The following PODXL variants were observed in gnomAD, a reference collection of about 807,000 sequenced individuals.
PODXL encodes the protein podocalyxin.
A neutral mutation model predicts 48.9 loss-of-function variants in PODXL; 20 were observed. The observed-to-expected ratio is 0.41, with a 90% CI of 0.29 to 0.59. The LOEUF (loss-of-function observed/expected upper bound fraction) is 0.59, where lower values mean the gene tolerates loss of function less well. Among genes scored for constraint, PODXL ranks in the 20% least tolerant of loss-of-function variants. The probability of loss-of-function intolerance (pLI) is 0.31; values close to 1 mark genes in which losing one functional copy is unlikely to be tolerated. For missense variants in PODXL, 606 were observed against 675.1 expected, an observed-to-expected ratio of 0.90 and a Z score of 1.13; for synonymous variants, 295 against 287.4, an observed-to-expected ratio of 1.03 and a Z score of -0.27.
chr7:131,520,718 CAACAA>C (rs1302562184), intron 1 of PODXL, among the ~76,000 whole-genome samples: 2 of 152,156 alleles, frequency 1.3e-5, no homozygotes, highest in Admixed American at 6.5e-5. Context: ...AATCGTCCAT[CAACAA>C]AACATGAAAA....
chr7:131,527,826 T>C (rs1397762169), intron 1 of PODXL, among the ~76,000 whole-genome samples: 4 of 151,944 alleles, frequency 2.6e-5, no homozygotes, highest in African/African-American at 9.7e-5. Context: ...ATAGGGTCCT[T>C]AAGATGCAGA....
intron 4 of PODXL, 40 bp downstream of exon 4, chr7:131,509,325 G>A: frequency 2.0e-6 from 3 of 1,482,114 alleles, no homozygotes; most frequent in Non-Finnish European, 2.8e-6. Flanking sequence ...TTCTACCCGA[G>A]TCTGGGTTCT....
chr7:131,518,856 C>T (rs547072027), intron 1 of PODXL, among the ~76,000 whole-genome samples: 2 of 152,258 alleles, frequency 1.3e-5, no homozygotes, highest in South Asian at 4.1e-4. Flanking sequence ...CATCATTAGG[C>T]GATGGAGAAG....
At chr7:131,554,807 C>G (rs1798718747) in intron 1 of PODXL, among the ~76,000 whole-genome samples, 1 of 152,118 alleles carries the variant, frequency 6.6e-6, no homozygotes, top group Non-Finnish European at 1.5e-5. Flanking sequence ...ACAAAAGGTT[C>G]GTATGAAGGC....
intron 1 of PODXL, among the ~76,000 whole-genome samples, chr7:131,540,820 C>T (rs192805595): frequency 4.1e-4 from 63 of 152,256 alleles, no homozygotes; most frequent in Middle Eastern, 3.4e-3. Flanking sequence ...ACAAGGGCCC[C>T]GAGCCAGAGG....
At chr7:131,523,202 T>G (rs1798115880) in intron 1 of PODXL, among the ~76,000 whole-genome samples, 1 of 152,228 alleles carries the variant, frequency 6.6e-6, no homozygotes, top group Non-Finnish European at 1.5e-5. Flanking sequence ...TATCATCTTT[T>G]CCATTATTGC....
intron 1 of PODXL, among the ~76,000 whole-genome samples, chr7:131,523,799 AT>A (rs111266089): frequency 0.17 from 25,169 of 144,734 alleles, 3,791 homozygotes; most frequent in East Asian, 0.41. Flanking sequence ...CATCTAACAA[AT>A]TTTTTTTTTT....
chr7:131,506,066 G>T, intron 7 of PODXL, 31 bp from the exon 8 acceptor site: 1 of 1,598,142 alleles, frequency 6.3e-7, no homozygotes, highest in South Asian at 1.1e-5. Flanking sequence ...AACAGGCTGG[G>T]GGCATCCTCT....
At chr7:131,531,874 G>A (rs527294880) in intron 1 of PODXL, among the ~76,000 whole-genome samples, 1 of 152,266 alleles carries the variant, frequency 6.6e-6, no homozygotes, top group African/African-American at 2.4e-5. Context: ...ACTTTGGGAG[G>A]CCGAGGTGGG....
At chr7:131,551,449 C>T (rs1798665926) in intron 1 of PODXL, among the ~76,000 whole-genome samples, 1 of 152,184 alleles carries the variant, frequency 6.6e-6, no homozygotes, top group African/African-American at 2.4e-5. Flanking sequence ...CAGGGCAATG[C>T]CATTCTCTTT....
At chr7:131,533,917 G>A (rs777421493) in intron 1 of PODXL, among the ~76,000 whole-genome samples, 8 of 152,214 alleles carry the variant, frequency 5.3e-5, no homozygotes, top group Admixed American at 2.0e-4. Context: ...TGTCAAAATT[G>A]GAGAGCAGGG....
chr7:131,519,090 C>T (rs1190033850), intron 1 of PODXL, among the ~76,000 whole-genome samples: 1 of 152,114 alleles, frequency 6.6e-6, no homozygotes, highest in Non-Finnish European at 1.5e-5. Context: ...CAGAGCCTCG[C>T]CTCAGTGGAC....
intron 1 of PODXL, among the ~76,000 whole-genome samples, chr7:131,515,898 T>C (rs910885965): frequency 1.3e-5 from 2 of 152,186 alleles, no homozygotes; most frequent in Non-Finnish European, 2.9e-5. Context: ...ATTTTCTTCA[T>C]ACCTATAACA....
intron 1 of PODXL, among the ~76,000 whole-genome samples, chr7:131,542,246 G>A (rs1798495143): frequency 6.6e-6 from 1 of 152,256 alleles, no homozygotes; most frequent in African/African-American, 2.4e-5. Context: ...TTCTCTCTCT[G>A]CCCTCTCTCT....
At chr7:131,509,086 TC>T (rs1325275012) in intron 4 of PODXL, 58 bp from the exon 5 acceptor site, 1 of 1,428,164 alleles carries the variant, frequency 7.0e-7, no homozygotes, top group Non-Finnish European at 9.9e-7. Flanking sequence ...CTTTGACATT[TC>T]CCCCCAACTA....
chr7:131,556,412 C>A lies in PODXL; in HGVS notation c.-53G>T. 1 of 1,330,602 alleles carries A rather than the reference C, an allele frequency of 7.5e-7. No individual in the cohort carries two copies. The highest frequency in any genetic ancestry group is 2.9e-5 in the East Asian group (1 of 34,452). 82.4% of individuals were successfully genotyped at this position (1,330,602 alleles called of 1,614,324 possible). A position where few individuals can be genotyped will look rare whatever the true frequency, so the allele number is the denominator to read the frequency against. On this transcript the variant is annotated 5_prime_UTR_variant, in exon 1 of 9. Transcript: ENST00000378555. ...GGTGGCTGCGGTGCCGGCGGAGGAT[C>A]CGCGCGTCCGGGCGGTAGGAGCGTG... is the stretch of plus-strand genomic sequence containing the variant.
At chr7:131,520,302 TG>T (rs1303937596) in intron 1 of PODXL, 18 of 524,678 alleles carry the variant, frequency 3.4e-5, no homozygotes, top group African/African-American at 2.1e-4. Context: ...ATGAAAGAGA[TG>T]GGAACTCCAG....
intron 1 of PODXL, among the ~76,000 whole-genome samples, chr7:131,537,333 G>A (rs1200487517): frequency 1.3e-5 from 2 of 148,592 alleles, no homozygotes; most frequent in South Asian, 2.1e-4. Flanking sequence ...AGCCAAGCAC[G>A]GTGGCTCACG....
At chr7:131,541,246 G>A (rs1416540443) in intron 1 of PODXL, among the ~76,000 whole-genome samples, 1 of 152,064 alleles carries the variant, frequency 6.6e-6, no homozygotes, top group African/African-American at 2.4e-5. Flanking sequence ...CCCAGGAGGT[G>A]GAAGAAAAAG....
Sources: gnomAD v4.1 joint callset for allele counts (sites outside exome capture counted in the v4.1 genomes callset) on GRCh38, gnomAD v4.1.1 for gene constraint, MANE v1.5 for transcripts, NCBI Gene and HGNC (gene_info 2026-07-23, HGNC 2026-07-21) for gene names.